Variants in RALGAPA2 observed in about 807,000 individuals in gnomAD.
RALGAPA2 encodes ral GTPase-activating protein subunit alpha-2.
A neutral mutation model predicts 230.4 loss-of-function variants in RALGAPA2; 139 were observed. That is an observed-to-expected ratio of 0.60 (90% CI 0.53 to 0.69). The LOEUF is 0.69. RALGAPA2 is among the 30% of genes least tolerant of loss of function. RALGAPA2 has a pLI of 0.00. For synonymous variants in RALGAPA2, 847 were observed against 837.8 expected, an observed-to-expected ratio of 1.01 and a Z score of -0.19; for missense variants, 2,163 against 2,276.0, an observed-to-expected ratio of 0.95 and a Z score of 1.01.
intron 3 of RALGAPA2, among the ~76,000 whole-genome samples, chr20:20,666,559 G>T (rs2067961079): frequency 6.6e-6 from 1 of 152,180 alleles, no homozygotes; most frequent in Non-Finnish European, 1.5e-5. Context: ...CTTCACCTCG[G>T]CATGGGAGGA....
intron 33 of RALGAPA2, among the ~76,000 whole-genome samples, chr20:20,507,605 C>A (rs568384086): frequency 5.9e-5 from 9 of 152,330 alleles, no homozygotes; most frequent in Middle Eastern, 3.4e-3. Context: ...GATCCACCTG[C>A]CTTGGCCTCC....
intron 12 of RALGAPA2, 118 bp downstream of exon 12, chr20:20,619,159 G>A (rs1475004762): frequency 9.5e-7 from 1 of 1,049,620 alleles, no homozygotes; most frequent in East Asian, 3.1e-5. Context: ...ATCGTTTACT[G>A]ACAGATGGCT....
intron 36 of RALGAPA2, among the ~76,000 whole-genome samples, chr20:20,479,642 G>A (rs2061729094): frequency 6.6e-6 from 1 of 152,160 alleles, no homozygotes; most frequent in African/African-American, 2.4e-5. Flanking sequence ...ATCTGTTCTA[G>A]AATACCTACA....
intron 23 of RALGAPA2, among the ~76,000 whole-genome samples, chr20:20,550,519 C>CT (rs1031478120): frequency 6.6e-6 from 1 of 152,140 alleles, no homozygotes; most frequent in African/African-American, 2.4e-5. Context: ...TCACAAGGAC[C>CT]TGCAGAGAGG....
At chr20:20,701,554 T>C (rs149411295) in intron 1 of RALGAPA2, among the ~76,000 whole-genome samples, 5,044 of 151,930 alleles carry the variant, frequency 0.033, 127 homozygotes, top group Non-Finnish European at 0.049. Context: ...CTGGCCAACA[T>C]GGTGAAACCC....
intron 37 of RALGAPA2, among the ~76,000 whole-genome samples, chr20:20,455,209 G>C (rs1569414826): frequency 6.6e-6 from 1 of 152,346 alleles, no homozygotes. Context: ...CGCATGACTT[G>C]CTGCAGGCTG....
At chr20:20,629,809 G>C (rs1244350709) in intron 9 of RALGAPA2, among the ~76,000 whole-genome samples, 1 of 152,084 alleles carries the variant, frequency 6.6e-6, no homozygotes, top group Non-Finnish European at 1.5e-5. Flanking sequence ...TATTTTAAGA[G>C]GAAAACTACT....
chr20:20,621,865 A>G (rs2066334492), intron 10 of RALGAPA2, among the ~76,000 whole-genome samples: 1 of 152,236 alleles, frequency 6.6e-6, no homozygotes, highest in African/African-American at 2.4e-5. Context: ...CGAGGCTTAC[A>G]GCACCAGAGG....
At chr20:20,665,908 G>C (rs945593959) in intron 3 of RALGAPA2, among the ~76,000 whole-genome samples, 4 of 152,210 alleles carry the variant, frequency 2.6e-5, no homozygotes, top group Admixed American at 2.0e-4. Context: ...TGAGACCAGT[G>C]AAAAAGGGTA....
At chr20:20,684,745 G>C (rs2068641572) in intron 1 of RALGAPA2, among the ~76,000 whole-genome samples, 1 of 152,172 alleles carries the variant, frequency 6.6e-6, no homozygotes, top group Non-Finnish European at 1.5e-5. Flanking sequence ...TTAATTTGCT[G>C]CCTCGTTGTC....
chr20:20,434,156 G>A (rs545029682), intron 37 of RALGAPA2, among the ~76,000 whole-genome samples: 2 of 152,222 alleles, frequency 1.3e-5, no homozygotes, highest in South Asian at 2.1e-4. Flanking sequence ...GTGTATAAAA[G>A]CAAAATGAAG....
intron 3 of RALGAPA2, among the ~76,000 whole-genome samples, chr20:20,675,027 A>G (rs2068269963): frequency 6.6e-6 from 1 of 152,198 alleles, no homozygotes; most frequent in Non-Finnish European, 1.5e-5. Flanking sequence ...TACATAAATA[A>G]TATAATTAAG....
In RALGAPA2 at chr20:20,468,949, G is replaced by A. The variant is rs1373024791; in HGVS notation, c.5495+3880C>T. ...TTTCCATCACCTCCATCCTGTGTGT[G>A]TGTGTGTGTGTGTTTGTGTGTGTGT... On this transcript the variant is annotated intron_variant, in intron 37 of 39. Coordinates refer to ENST00000202677, the MANE Select transcript of RALGAPA2 (RefSeq NM_020343.4). 2.0e-5 allele frequency among the ~76,000 whole-genome samples: 3 copies of A among 150,364 alleles called. No homozygotes were observed. The East Asian group carries it at 5.8e-4, about 29-fold the overall frequency.
intron 33 of RALGAPA2, among the ~76,000 whole-genome samples, chr20:20,505,921 AT>A (rs1444685906): frequency 1.3e-5 from 2 of 152,208 alleles, no homozygotes; most frequent in African/African-American, 4.8e-5. Context: ...TGGTAAAAAA[AT>A]ATCTTTTAAA....
intron 30 of RALGAPA2, among the ~76,000 whole-genome samples, chr20:20,523,914 A>G (rs2063117182): frequency 6.6e-6 from 1 of 152,198 alleles, no homozygotes. Context: ...CTTGGTAACT[A>G]ACCACTGCTT....
intron 27 of RALGAPA2, among the ~76,000 whole-genome samples, chr20:20,526,998 T>C (rs1248712124): frequency 6.6e-6 from 1 of 152,186 alleles, no homozygotes; most frequent in East Asian, 1.9e-4. Flanking sequence ...ATGCTTCCAT[T>C]GATTGCGAGG....
intron 31 of RALGAPA2, among the ~76,000 whole-genome samples, chr20:20,518,972 T>C (rs1404001016): frequency 6.6e-6 from 1 of 152,194 alleles, no homozygotes; most frequent in Non-Finnish European, 1.5e-5. Context: ...AAAGCAGACA[T>C]TGCAGTTGAC....
chr20:20,398,473 T>C lies in RALGAPA2; in HGVS notation c.5618-1739A>G, dbSNP rs530336366. Among the ~76,000 whole-genome samples, 28 of 152,246 alleles carry C rather than the reference T, an allele frequency of 1.8e-4. No individual in the cohort carries two copies. In the South Asian group the frequency reaches 5.2e-3, roughly 28 times the overall value. ...TAAGGAGATGCAAAGACAGAGACAG[T>C]TGGGGGCTGCCTTGATTATTCCATG... On this transcript the variant is annotated intron_variant, in intron 38 of 39. Coordinates refer to ENST00000202677, the MANE Select transcript of RALGAPA2 (RefSeq NM_020343.4). This position sits in a 1 kb window ranked among gnomAD's most constrained non-coding sequence, Gnocchi z 4.5.
chr20:20,484,145 G>A (rs1054466437), intron 36 of RALGAPA2, among the ~76,000 whole-genome samples: 2 of 152,160 alleles, frequency 1.3e-5, no homozygotes, highest in East Asian at 3.9e-4. Flanking sequence ...GTCAAAGTGG[G>A]CAACAGATAA....
Sources: gnomAD v4.1 joint callset for allele counts (sites outside exome capture counted in the v4.1 genomes callset) on GRCh38, gnomAD v4.1.1 for gene constraint, Gnocchi (gnomAD v3.1) non-coding constraint, MANE v1.5 for transcripts, NCBI Gene and HGNC (gene_info 2026-07-23, HGNC 2026-07-21) for gene names.